Variants in CCSER1 observed in about 807,000 individuals in gnomAD.
The protein encoded by CCSER1 is coiled-coil serine rich protein 1.
CCSER1 carries 41 observed loss-of-function variants against 82.0 expected under a neutral mutation model. The ratio of observed to expected loss-of-function variants is 0.50; its 90% confidence interval spans 0.39 to 0.65. The LOEUF is 0.65. Among genes scored for constraint, CCSER1 ranks in the 30% least tolerant of loss-of-function variants. The pLI is 0.00. For missense variants in CCSER1, 1,119 were observed against 1,064.2 expected (o/e 1.05, Z -0.72); for synonymous variants, 414 against 383.9 (o/e 1.08, Z -0.92).
intron 10 of CCSER1, among the ~76,000 whole-genome samples, chr4:91,577,666 T>C (rs1763515200): frequency 6.6e-6 from 1 of 151,990 alleles, no homozygotes; most frequent in Non-Finnish European, 1.5e-5. Context: ...AAGCGATACT[T>C]GAGAATATTT....
At chr4:90,237,359 A>G (rs1223833373) in intron 1 of CCSER1, among the ~76,000 whole-genome samples, 1 of 152,162 alleles carries the variant, frequency 6.6e-6, no homozygotes, top group Non-Finnish European at 1.5e-5. Context: ...TATGTGTAAG[A>G]ACTTTCTGTG....
chr4:90,401,023 T>C (rs1752789608), intron 4 of CCSER1, among the ~76,000 whole-genome samples: 1 of 152,182 alleles, frequency 6.6e-6, no homozygotes, highest in South Asian at 2.1e-4. Context: ...TTTTTAGTTG[T>C]AAAACTTTAT....
At chr4:90,300,311 A>G (rs1732853907) in intron 1 of CCSER1, among the ~76,000 whole-genome samples, 1 of 152,164 alleles carries the variant, frequency 6.6e-6, no homozygotes, top group Non-Finnish European at 1.5e-5. Flanking sequence ...AACTATTCTA[A>G]GAGCTACACC....
At chr4:91,572,065 C>T (rs924430805) in intron 10 of CCSER1, among the ~76,000 whole-genome samples, 5 of 152,082 alleles carry the variant, frequency 3.3e-5, no homozygotes, top group African/African-American at 1.2e-4. Context: ...TGCCAAGTTG[C>T]TACTGGCTCG....
intron 10 of CCSER1, among the ~76,000 whole-genome samples, chr4:91,100,783 T>C (rs184887188): frequency 2.0e-5 from 3 of 152,326 alleles, no homozygotes; most frequent in Non-Finnish European, 4.4e-5. Flanking sequence ...TGAAGATCTC[T>C]TCTATGTTTG....
At chr4:91,501,104 TG>T (rs1759184970) in intron 10 of CCSER1, among the ~76,000 whole-genome samples, 1 of 151,846 alleles carries the variant, frequency 6.6e-6, no homozygotes, top group African/African-American at 2.4e-5. Context: ...TATATCAAGC[TG>T]AAAATATTAT....
At chr4:90,450,687 G>A (rs568472626) in intron 4 of CCSER1, among the ~76,000 whole-genome samples, 1 of 152,286 alleles carries the variant, frequency 6.6e-6, no homozygotes, top group South Asian at 2.1e-4. Context: ...CTTTACTGCT[G>A]TAGGAGTAGA....
At chr4:90,689,841 C>T (rs1735495955) in intron 6 of CCSER1, among the ~76,000 whole-genome samples, 1 of 152,088 alleles carries the variant, frequency 6.6e-6, no homozygotes, top group Admixed American at 6.6e-5. Flanking sequence ...TGACCCTAGA[C>T]AAAGAAGTAA....
At chr4:90,506,926 G>A (rs1770781394) in intron 5 of CCSER1, among the ~76,000 whole-genome samples, 1 of 152,020 alleles carries the variant, frequency 6.6e-6, no homozygotes, top group Non-Finnish European at 1.5e-5. Context: ...CAATAATTTG[G>A]TTCTGTTCCT....
intron 9 of CCSER1, among the ~76,000 whole-genome samples, chr4:90,964,274 A>AT (rs925688904): frequency 9.9e-5 from 15 of 152,136 alleles, no homozygotes; most frequent in South Asian, 4.2e-4. Context: ...ATAAATTGTG[A>AT]TTTTTTTTGT....
chr4:91,546,493 T>G (rs752363006), intron 10 of CCSER1, among the ~76,000 whole-genome samples: 1 of 152,152 alleles, frequency 6.6e-6, no homozygotes, highest in Non-Finnish European at 1.5e-5. Flanking sequence ...AATTAATTGA[T>G]CCATTTCATC....
chr4:91,347,705 C>T (rs1026708511), intron 10 of CCSER1, among the ~76,000 whole-genome samples: 13 of 151,770 alleles, frequency 8.6e-5, no homozygotes, highest in Non-Finnish European at 1.5e-4. Context: ...ATATTTATAT[C>T]TAAGTATTCA....
intron 4 of CCSER1, among the ~76,000 whole-genome samples, chr4:90,441,137 G>A (rs1189408956): frequency 1.3e-5 from 2 of 152,126 alleles, no homozygotes; most frequent in African/African-American, 2.4e-5. Context: ...CCTTTAAGAA[G>A]ATAATTTTAG....
At chr4:91,540,604 G>A (rs956820816) in intron 10 of CCSER1, among the ~76,000 whole-genome samples, 6 of 151,982 alleles carry the variant, frequency 3.9e-5, no homozygotes, top group African/African-American at 1.2e-4. Flanking sequence ...TGTGCCTTTA[G>A]TGTATCTAAA....
intron 3 of CCSER1, among the ~76,000 whole-genome samples, chr4:90,343,017 TC>T (rs1171494985): frequency 2.6e-5 from 4 of 151,874 alleles, no homozygotes; most frequent in Non-Finnish European, 4.4e-5. Flanking sequence ...CACTGCATTT[TC>T]CCCCAAATGA....
chr4:90,411,680 AAAC>A (rs1331685197), intron 4 of CCSER1, among the ~76,000 whole-genome samples: 9 of 152,216 alleles, frequency 5.9e-5, no homozygotes, highest in African/African-American at 2.2e-4. Flanking sequence ...GAATGGACAA[AAAC>A]TGGAAGCATT....
chr4:90,231,259 A>C (rs1338333586), intron 1 of CCSER1, among the ~76,000 whole-genome samples: 1 of 152,126 alleles, frequency 6.6e-6, no homozygotes, highest in African/African-American at 2.4e-5. Context: ...CAGCACATCA[A>C]AAAGCTTATC....
chr4:90,406,356 A>G (rs1378670319), intron 4 of CCSER1, among the ~76,000 whole-genome samples: 1 of 152,210 alleles, frequency 6.6e-6, no homozygotes, highest in Non-Finnish European at 1.5e-5. Flanking sequence ...TCCCAAATTT[A>G]GAAAACAATT....
intron 8 of CCSER1, among the ~76,000 whole-genome samples, chr4:90,828,288 G>C (rs891377496): frequency 6.6e-6 from 1 of 151,962 alleles, no homozygotes; most frequent in African/African-American, 2.4e-5. Context: ...AAATTTTTTA[G>C]TGACTTAAAA....
Sources: allele counts gnomAD v4.1 joint callset (sites outside exome capture counted in the v4.1 genomes callset), GRCh38; gene constraint gnomAD v4.1.1; transcripts MANE v1.5; gene names NCBI Gene and HGNC (gene_info 2026-07-23, HGNC 2026-07-21).